Variants in PFKFB3 observed in about 807,000 individuals in gnomAD.
The protein encoded by PFKFB3 is 6-phosphofructo-2-kinase/fructose-2,6-biphosphatase 3, also known as 6-phosphofructo-2-kinase/fructose-2,6-bisphosphatase 3.
PFKFB3 carries 33 observed loss-of-function variants against 68.0 expected under a neutral mutation model. The ratio of observed to expected loss-of-function variants is 0.49; its 90% CI spans 0.37 to 0.65. The LOEUF (loss-of-function observed/expected upper bound fraction) is 0.65, where lower values mean the gene tolerates loss of function less well. Ranked by LOEUF, PFKFB3 falls within the 30% of genes least tolerant of loss-of-function variation. PFKFB3 has a pLI of 0.00. For synonymous variants in PFKFB3, 315 were observed against 288.2 expected, an observed-to-expected ratio of 1.09 and a Z score of -0.94; for missense variants, 586 against 712.2, an observed-to-expected ratio of 0.82 and a Z score of 2.02.
chr10:6,250,875 C>T (rs1846365715), intron 14 of PFKFB3, among the ~76,000 whole-genome samples: 1 of 152,196 alleles, frequency 6.6e-6, no homozygotes, highest in South Asian at 2.1e-4. Flanking sequence ...GGGACTACAA[C>T]CTGTCTTAGT....
the PFKFB3 span, among the ~76,000 whole-genome samples, chr10:6,285,220 T>C: frequency 6.6e-6 from 1 of 151,192 alleles, no homozygotes; most frequent in African/African-American, 2.5e-5. Flanking sequence ...AGTGCTACAA[T>C]CTCTATTTTT....
exon 1 of PFKFB3, chr10:6,145,001 C>CCTA: frequency 7.5e-7 from 1 of 1,330,826 alleles, no homozygotes; most frequent in East Asian, 3.1e-5. Context: ...CGGCGCGATG[C>CCTA]CCTTCAGGAA....
At chr10:6,274,589 G>A in the PFKFB3 span, among the ~76,000 whole-genome samples, 2 of 152,042 alleles carry the variant, frequency 1.3e-5, no homozygotes, top group African/African-American at 4.8e-5. Context: ...GCTCATGCCT[G>A]TAACCCCAGC....
rs142603218 is a variant in PFKFB3, at chr10:6,213,661, G to A, written c.115G>A (p.Val39Ile). 5.9e-5 allele frequency: 95 copies of A among 1,612,964 alleles called. No individual in the cohort carries two copies. The highest frequency in any genetic ancestry group is 4.3e-4 in the African/African-American group (32 of 74,858). The stretch of plus-strand genomic sequence containing the variant: ...GCTGACCAACTCCCCCACCGTCATC[G>A]TCATGGTGGGCCTCCCCGCCCGGGG... ...PKLTNSPTVI[V>I]MVGLPARGKT... is the part of the protein sequence containing the mutation. Residue 39 changes from valine to isoleucine, a missense_variant, in exon 2 of 15, where the codon GTC (valine) becomes ATC (isoleucine). Val to Ile is a conservative substitution (Grantham distance 29). Coordinates refer to ENST00000379775, the MANE Select transcript of PFKFB3 (RefSeq NM_004566.4).
At chr10:6,191,337 G>A (rs681966) in intron 1 of PFKFB3, among the ~76,000 whole-genome samples, 95,750 of 152,114 alleles carry the variant, frequency 0.63, 31,739 homozygotes, top group Non-Finnish European at 0.73. Flanking sequence ...GACCCGTTGC[G>A]TGCCAAGGGT....
the PFKFB3 span, among the ~76,000 whole-genome samples, chr10:6,314,905 C>T: frequency 1.3e-5 from 2 of 152,130 alleles, no homozygotes; most frequent in Non-Finnish European, 2.9e-5. Context: ...CATTTTTATC[C>T]GTCCCAGGAA....
the PFKFB3 span, among the ~76,000 whole-genome samples, chr10:6,307,248 C>T: frequency 2.6e-5 from 4 of 151,988 alleles, no homozygotes; most frequent in Non-Finnish European, 4.4e-5. Context: ...CTTGCCAGCC[C>T]CCAGAATCCC....
intron 14 of PFKFB3, among the ~76,000 whole-genome samples, chr10:6,248,983 G>A (rs1262511272): frequency 6.6e-6 from 1 of 152,020 alleles, no homozygotes. Flanking sequence ...AGACCAGCTT[G>A]ACTAACATGG....
the PFKFB3 span, among the ~76,000 whole-genome samples, chr10:6,307,785 C>G: frequency 6.6e-6 from 1 of 152,112 alleles, no homozygotes; most frequent in Non-Finnish European, 1.5e-5. Context: ...ATGGGTCACC[C>G]AAAGTTCATG....
the PFKFB3 span, among the ~76,000 whole-genome samples, chr10:6,305,005 A>ATTTTTTTTTTTTTTTTTTTTTTTT: frequency 1.4e-4 from 2 of 14,514 alleles, no homozygotes; most frequent in African/African-American, 1.8e-4. Context: ...AATATTAGGA[A>ATTTTTTTTTTTTTTTTTTTTTTTT]TTTTTTTTTT....
rs1029924714 is a variant in PFKFB3 at position 6,220,975 on chromosome 10, G to A, written c.831+110G>A. ...GCTGCTGCTGCTGCTGCTGCTTGGT[G>A]TGCTTGCTGTGTGTGTTATCTGTGT... is the stretch of plus-strand genomic sequence containing the variant. On this transcript the variant is annotated intron_variant, in intron 8 of 14. Transcript: ENST00000379775. This position sits in a 1 kb window ranked among gnomAD's most constrained non-coding sequence, Gnocchi z 4.1. 7 of 1,053,276 alleles carry A rather than the reference G, an allele frequency of 6.6e-6. No individual in the cohort carries two copies. Among genetic ancestry groups the A allele is most frequent in the African/African-American group, 1.6e-5 (1 of 64,214 alleles). The allele number at this position is 1,053,276 out of a possible 1,614,324, so 65.2% of individuals were successfully genotyped here.
the PFKFB3 span, among the ~76,000 whole-genome samples, chr10:6,326,384 A>G: frequency 1.3e-5 from 2 of 152,204 alleles, no homozygotes; most frequent in Non-Finnish European, 2.9e-5. Context: ...GCAAACCACC[A>G]TGGCACACGT....
chr10:6,269,395 T>G, the PFKFB3 span, among the ~76,000 whole-genome samples: 151,504 of 152,274 alleles, frequency 0.99, 75,374 homozygotes, highest in East Asian at 1. Context: ...CTGGGCCCAA[T>G]AAATCCTCTT....
At chr10:6,177,351 T>C (rs1008026497) in intron 1 of PFKFB3, among the ~76,000 whole-genome samples, 1 of 142,644 alleles carries the variant, frequency 7.0e-6, no homozygotes, top group Admixed American at 7.7e-5. Flanking sequence ...TTTCTTTTCT[T>C]TTCTCTTTCT....
At chr10:6,273,414 C>A in the PFKFB3 span, among the ~76,000 whole-genome samples, 1 of 152,194 alleles carries the variant, frequency 6.6e-6, no homozygotes, top group South Asian at 2.1e-4. Flanking sequence ...GGATCCCCGC[C>A]GCCATGCAAC....
chr10:6,203,424 T>C, intron 1 of PFKFB3, 88 bp downstream of exon 1: 11 of 902,198 alleles, frequency 1.2e-5, no homozygotes, highest in Non-Finnish European at 1.7e-5. Context: ...GACGCCCCTC[T>C]GCGGGGGGCG....
intron 5 of PFKFB3, 119 bp downstream of exon 5, chr10:6,216,899 C>A (rs551939269): frequency 1.2e-6 from 1 of 841,946 alleles, no homozygotes; most frequent in South Asian, 1.5e-5. Context: ...TAGTCCTGCT[C>A]GGTCCCTCCC....
intron 1 of PFKFB3, among the ~76,000 whole-genome samples, chr10:6,183,344 A>G (rs969730321): frequency 1.3e-5 from 2 of 151,722 alleles, no homozygotes; most frequent in African/African-American, 4.8e-5. Flanking sequence ...TCTCTAAAAC[A>G]CCTCCAGCTC....
intron 14 of PFKFB3, among the ~76,000 whole-genome samples, chr10:6,250,621 G>A (rs1474886912): frequency 6.6e-6 from 1 of 151,676 alleles, no homozygotes; most frequent in Non-Finnish European, 1.5e-5. Context: ...TAGGCCCTGA[G>A]GGCTCCTCCC....
Sources: allele counts gnomAD v4.1 joint callset (sites outside exome capture counted in the v4.1 genomes callset), GRCh38; gene constraint gnomAD v4.1.1; non-coding constraint Gnocchi (gnomAD v3.1); transcripts MANE v1.5; gene names NCBI Gene and HGNC (gene_info 2026-07-23, HGNC 2026-07-21).